SORCS1: variants seen among roughly 807,000 people sequenced by gnomAD.
The protein encoded by SORCS1 is VPS10 domain-containing receptor SorCS1.
In SORCS1, 60 loss-of-function variants were observed where a neutral mutation model predicts 146.1. That is an observed-to-expected ratio of 0.41 (90% CI 0.33 to 0.51). The LOEUF is 0.51. Ranked by LOEUF, SORCS1 falls within the 20% of genes least tolerant of loss-of-function variation. SORCS1 has a pLI of 0.21. For synonymous variants in SORCS1, 637 were observed against 584.0 expected, an observed-to-expected ratio of 1.09 and a Z score of -1.31; for missense variants, 1,352 against 1,487.6, an observed-to-expected ratio of 0.91 and a Z score of 1.50.
chr10:106,888,355 C>T (rs1951088321), intron 2 of SORCS1, among the ~76,000 whole-genome samples: 1 of 151,972 alleles, frequency 6.6e-6, no homozygotes, highest in South Asian at 2.1e-4. Context: ...TAAGGAGGTT[C>T]GTGCCTTTAA....
Position 106,579,461 on chromosome 10 carries a change from G to T in SORCS1, c.3279C>A (p.Asp1093Glu). The T allele has an allele frequency of 6.2e-7, 1 of 1,613,770 alleles. No homozygotes were observed. Among genetic ancestry groups the T allele is most frequent in the Non-Finnish European group, 8.5e-7 (1 of 1,179,900 alleles). ...AAHLTAAPLV[D>E]LTPTHSGSAM... ...CAGATCCACTGTGGGTTGGAGTGAG[G>T]TCCACCAGGGGGGCTTGTGGGGGAA... The change falls in exon 25 of 26, where the codon GAC becomes GAA. Residue 1093 changes from aspartate to glutamate, a missense_variant. Transcript: ENST00000263054.
chr10:107,076,757 C>T (rs1189139955), intron 1 of SORCS1, among the ~76,000 whole-genome samples: 4 of 152,162 alleles, frequency 2.6e-5, no homozygotes, highest in Non-Finnish European at 5.9e-5. Flanking sequence ...GTGGACGCTC[C>T]TAGGTGTTCC....
chr10:107,126,495 C>A (rs1966720686), intron 1 of SORCS1, among the ~76,000 whole-genome samples: 1 of 152,154 alleles, frequency 6.6e-6, no homozygotes, highest in Non-Finnish European at 1.5e-5. Flanking sequence ...TAAAAATAAT[C>A]TGGCTTCCTG....
intron 3 of SORCS1, among the ~76,000 whole-genome samples, chr10:106,825,953 TAC>T (rs1333335511): frequency 1.3e-5 from 2 of 152,232 alleles, no homozygotes; most frequent in Non-Finnish European, 2.9e-5. Flanking sequence ...ATGTTGAGAT[TAC>T]AGTTTTTACT....
chr10:107,053,869 C>G (rs929233631), intron 1 of SORCS1, among the ~76,000 whole-genome samples: 1 of 152,260 alleles, frequency 6.6e-6, no homozygotes, highest in East Asian at 1.9e-4. Context: ...ATGCACATGC[C>G]TGTCTGGCAA....
chr10:106,968,218 A>G (rs79872855), intron 1 of SORCS1, among the ~76,000 whole-genome samples: 3 of 151,936 alleles, frequency 2.0e-5, no homozygotes, highest in African/African-American at 7.2e-5. Context: ...AAAAAAAAAA[A>G]GAGAAAAGAT....
At chr10:107,040,119 T>A (rs1038007444) in intron 1 of SORCS1, among the ~76,000 whole-genome samples, 2 of 152,178 alleles carry the variant, frequency 1.3e-5, no homozygotes, top group African/African-American at 2.4e-5. Flanking sequence ...TGATAACATT[T>A]ATATCCTTCC....
Position 106,830,698 on chromosome 10 carries a change from C to G in SORCS1, c.627-1025G>C, listed in dbSNP as rs950290466. The stretch of plus-strand genomic sequence containing the variant: ...ATCACTTGAGGTCAGGAATTCGAGA[C>G]AAGCCTGGCCAACGTTGCGACACTC... On this transcript the variant is annotated intron_variant, in intron 2 of 25. Coordinates refer to ENST00000263054, the MANE Select transcript of SORCS1 (RefSeq NM_052918.5). Among the ~76,000 whole-genome samples, 11 of 151,182 alleles carry G rather than the reference C, an allele frequency of 7.3e-5. No individual in the cohort carries two copies. The East Asian group carries it at 2.2e-3, about 30-fold the overall frequency.
At chr10:106,766,402 C>G (rs1468739477) in intron 4 of SORCS1, among the ~76,000 whole-genome samples, 1 of 152,114 alleles carries the variant, frequency 6.6e-6, no homozygotes, top group Admixed American at 6.6e-5. Flanking sequence ...ACCTTAAGGA[C>G]TTCATATAAA....
At chr10:106,997,511 T>A (rs76166254) in intron 1 of SORCS1, among the ~76,000 whole-genome samples, 2,981 of 152,172 alleles carry the variant, frequency 0.02, 106 homozygotes, top group African/African-American at 0.068. Context: ...CTGCCCCAAT[T>A]CATCTCATCT....
At chr10:106,658,539 T>A (rs1850480667) in intron 17 of SORCS1, among the ~76,000 whole-genome samples, 1 of 152,184 alleles carries the variant, frequency 6.6e-6, no homozygotes. Flanking sequence ...GCATTTGCTT[T>A]CAAGGGAAAA....
At chr10:107,071,082 A>G (rs1275220292) in intron 1 of SORCS1, among the ~76,000 whole-genome samples, 1 of 152,198 alleles carries the variant, frequency 6.6e-6, no homozygotes, top group East Asian at 1.9e-4. Flanking sequence ...GGCACACGAC[A>G]GTGACCGGCA....
intron 2 of SORCS1, among the ~76,000 whole-genome samples, chr10:106,891,546 C>T (rs1589645149): frequency 8.3e-6 from 1 of 120,910 alleles, no homozygotes; most frequent in Middle Eastern, 5.1e-3. Flanking sequence ...GTTGCCCTGG[C>T]TGAAGTGCAG....
At chr10:106,790,910 T>C (rs550503540) in intron 3 of SORCS1, among the ~76,000 whole-genome samples, 6 of 152,340 alleles carry the variant, frequency 3.9e-5, no homozygotes, top group African/African-American at 7.2e-5. Context: ...AGAAAAAATA[T>C]GCATTAACTG....
intron 1 of SORCS1, among the ~76,000 whole-genome samples, chr10:107,120,773 G>C (rs2134537583): frequency 6.6e-6 from 1 of 152,290 alleles, no homozygotes; most frequent in Non-Finnish European, 1.5e-5. Flanking sequence ...CGGAAAGCAG[G>C]CTATCCACAT....
Position 106,652,525 on chromosome 10 carries a change from T to A in SORCS1, c.2332A>T (p.Thr778Ser). The A allele has an allele frequency of 6.2e-7, 1 of 1,613,866 alleles. No homozygotes were observed. The highest frequency in any genetic ancestry group is 1.1e-5 in the South Asian group (1 of 91,072). Residue 778 changes from threonine to serine, a missense_variant, in exon 18 of 26, where the codon ACT becomes TCT. By Grantham distance (58) the Thr-to-Ser change is moderately conservative. Transcript: ENST00000263054. ...GTGTACTGTTCCCTTACGCCATCAG[T>A]GCAATTATTGGAAACCACCTTCCTG... ...GYRKVVSNNC[T>S]DGVREQYTAK... is the part of the protein sequence containing the mutation.
At position 106,667,683 on chromosome 10, in the gene SORCS1, A is replaced by G. The variant is rs193150431; in HGVS notation, c.2303+6T>C. The G allele has an allele frequency of 2.5e-6, 4 of 1,610,706 alleles. No homozygotes were observed. The East Asian group carries it at 6.7e-5, about 27-fold the overall frequency. On this transcript the variant is annotated splice_donor_region_variant and intron_variant, in intron 17 of 25. Transcript: ENST00000263054. ...GCCTCTCAAGGTCACTACTCCAGAC[A>G]CTTACCCAGTACTATTGAGGTAACT...
chr10:107,032,027 T>C (rs1283775133), intron 1 of SORCS1, among the ~76,000 whole-genome samples: 1 of 152,022 alleles, frequency 6.6e-6, no homozygotes, highest in East Asian at 1.9e-4. Flanking sequence ...GTGAAAAGAG[T>C]GCCCATAGGA....
intron 2 of SORCS1, among the ~76,000 whole-genome samples, chr10:106,877,505 T>A (rs1435847929): frequency 1.3e-5 from 2 of 152,036 alleles, no homozygotes; most frequent in Non-Finnish European, 1.5e-5. Context: ...TGCACTCCAA[T>A]CAGGGTGACA....
Sources: allele counts gnomAD v4.1 joint callset (sites outside exome capture counted in the v4.1 genomes callset), GRCh38; gene constraint gnomAD v4.1.1; transcripts MANE v1.5; gene names NCBI Gene and HGNC (gene_info 2026-07-23, HGNC 2026-07-21).